The following ZFPM2 variants were observed in gnomAD, a reference collection of about 807,000 sequenced individuals.
ZFPM2 encodes zinc finger protein ZFPM2.
In ZFPM2, 20 loss-of-function variants were observed where a neutral mutation model predicts 98.6. The observed-to-expected ratio is 0.20, with a 90% CI of 0.14 to 0.29. The LOEUF (loss-of-function observed/expected upper bound fraction) is 0.29, where lower values mean the gene tolerates loss of function less well. Among genes scored for constraint, ZFPM2 ranks in the 10% least tolerant of loss-of-function variants. The pLI, the probability that ZFPM2 is intolerant of heterozygous loss-of-function variation, is 1.00. For missense variants in ZFPM2, 1,310 were observed against 1,388.6 expected (o/e 0.94, Z 0.90); for synonymous variants, 518 against 502.7 (o/e 1.03, Z -0.41).
At chr8:105,773,120 A>G (rs1813018753) in intron 5 of ZFPM2, among the ~76,000 whole-genome samples, 2 of 152,196 alleles carry the variant, frequency 1.3e-5, no homozygotes, top group Non-Finnish European at 2.9e-5. Context: ...ACTTCAAGGA[A>G]TGCACTGAGC....
intron 1 of ZFPM2, among the ~76,000 whole-genome samples, chr8:105,330,629 T>C (rs1354418930): frequency 4.8e-4 from 40 of 82,648 alleles, no homozygotes; most frequent in South Asian, 3.2e-3. Flanking sequence ...TATATATATA[T>C]ATACATATAT....
At chr8:105,523,930 T>C (rs1814115753) in intron 3 of ZFPM2, among the ~76,000 whole-genome samples, 1 of 152,134 alleles carries the variant, frequency 6.6e-6, no homozygotes, top group African/African-American at 2.4e-5. Flanking sequence ...AGATTATATG[T>C]AGCTGCCCAT....
At chr8:105,330,611 CACATATAT>C (rs1175393063) in intron 1 of ZFPM2, among the ~76,000 whole-genome samples, 5,256 of 75,894 alleles carry the variant, frequency 0.069, 209 homozygotes, top group South Asian at 0.14. Context: ...TATATATATA[CACATATAT>C]ATATATATAT....
chr8:105,711,873 A>G (rs1371272926), intron 5 of ZFPM2, among the ~76,000 whole-genome samples: 3 of 152,066 alleles, frequency 2.0e-5, no homozygotes, highest in Non-Finnish European at 4.4e-5. Flanking sequence ...ATAAAAATCA[A>G]AACTTTTATT....
intron 4 of ZFPM2, among the ~76,000 whole-genome samples, chr8:105,598,829 A>T (rs1308234578): frequency 6.6e-6 from 1 of 151,836 alleles, no homozygotes; most frequent in Non-Finnish European, 1.5e-5. Flanking sequence ...GCAACCAATT[A>T]CTACATACAA....
chr8:105,483,166 T>C (rs1813158652), intron 3 of ZFPM2, among the ~76,000 whole-genome samples: 1 of 150,930 alleles, frequency 6.6e-6, no homozygotes, highest in African/African-American at 2.5e-5. Flanking sequence ...CAGCCTCCTG[T>C]AATTTCTTGA....
At chr8:105,547,358 C>G (rs1814730396) in intron 3 of ZFPM2, among the ~76,000 whole-genome samples, 1 of 151,782 alleles carries the variant, frequency 6.6e-6, no homozygotes, top group Non-Finnish European at 1.5e-5. Context: ...GCCTGGCCCA[C>G]ATGGTGAAAC....
intron 1 of ZFPM2, among the ~76,000 whole-genome samples, chr8:105,393,686 T>G (rs1455301623): frequency 6.6e-6 from 1 of 152,084 alleles, no homozygotes; most frequent in East Asian, 1.9e-4. Flanking sequence ...AAGGAATATT[T>G]CGGTGAGATT....
intron 3 of ZFPM2, among the ~76,000 whole-genome samples, chr8:105,539,347 A>C (rs1814526853): frequency 6.6e-6 from 1 of 152,192 alleles, no homozygotes; most frequent in Non-Finnish European, 1.5e-5. Context: ...GAAAATGGGA[A>C]GATGATGCAT....
At chr8:105,788,097 A>T (rs1383780481) in intron 5 of ZFPM2, among the ~76,000 whole-genome samples, 1 of 152,140 alleles carries the variant, frequency 6.6e-6, no homozygotes, top group Non-Finnish European at 1.5e-5. Flanking sequence ...GGAGATGAAG[A>T]AGCTACATTA....
intron 5 of ZFPM2, among the ~76,000 whole-genome samples, chr8:105,638,723 G>A (rs1429738391): frequency 6.6e-6 from 1 of 151,982 alleles, no homozygotes; most frequent in Non-Finnish European, 1.5e-5. Flanking sequence ...GCTTCCTAAA[G>A]TGTTCCTAAA....
chr8:105,419,349 T>G, intron 2 of ZFPM2, 47 bp downstream of exon 2: 1 of 1,571,288 alleles, frequency 6.4e-7, no homozygotes, highest in Non-Finnish European at 8.6e-7. Flanking sequence ...CTTAAATGAT[T>G]TTGTAATGTT....
intron 5 of ZFPM2, among the ~76,000 whole-genome samples, chr8:105,782,952 A>G (rs1813294096): frequency 6.6e-6 from 1 of 152,110 alleles, no homozygotes; most frequent in African/African-American, 2.4e-5. Flanking sequence ...GTCAACAGGA[A>G]CACTCCACTG....
chr8:105,676,363 C>A lies in ZFPM2; in HGVS notation c.532+42006C>A, dbSNP rs568464113. ...CAAGATAGTAAAATTCCCTGCTTCA[C>A]TATGAACAACCCCAATTGTAGTACT... On this transcript the variant is annotated intron_variant, in intron 5 of 7. Coordinates refer to ENST00000407775, the MANE Select transcript of ZFPM2 (RefSeq NM_012082.4). Among the ~76,000 whole-genome samples, 17 of 152,270 alleles carry A rather than the reference C, an allele frequency of 1.1e-4. No individual in the cohort carries two copies. In the East Asian group the frequency reaches 2.9e-3, roughly 26 times the overall value.
chr8:105,705,552 G>A (rs1196060672), intron 5 of ZFPM2, among the ~76,000 whole-genome samples: 2 of 152,240 alleles, frequency 1.3e-5, no homozygotes, highest in South Asian at 2.1e-4. Flanking sequence ...TTGAAAGGTA[G>A]ATATGACATA....
chr8:105,382,257 C>G (rs1810903977), intron 1 of ZFPM2, among the ~76,000 whole-genome samples: 1 of 151,890 alleles, frequency 6.6e-6, no homozygotes, highest in Admixed American at 6.6e-5. Flanking sequence ...ATGCAATGCA[C>G]TCTAGAGAGT....
intron 1 of ZFPM2, among the ~76,000 whole-genome samples, chr8:105,338,128 T>A (rs1207965246): frequency 6.6e-6 from 1 of 151,838 alleles, no homozygotes; most frequent in Non-Finnish European, 1.5e-5. Flanking sequence ...TTTTTTATGA[T>A]ATCCCATGAT....
intron 3 of ZFPM2, among the ~76,000 whole-genome samples, chr8:105,530,956 T>C (rs1391070946): frequency 6.6e-6 from 1 of 152,178 alleles, no homozygotes. Flanking sequence ...AAATATCCTA[T>C]GGTTATTGCT....
intron 1 of ZFPM2, among the ~76,000 whole-genome samples, chr8:105,323,436 C>T (rs923223962): frequency 1.3e-5 from 2 of 151,748 alleles, no homozygotes; most frequent in Non-Finnish European, 1.5e-5. Flanking sequence ...TTATTTTCTA[C>T]ATTTTTGACT....
Sources: allele counts gnomAD v4.1 joint callset (sites outside exome capture counted in the v4.1 genomes callset), GRCh38; gene constraint gnomAD v4.1.1; transcripts MANE v1.5; gene names NCBI Gene and HGNC (gene_info 2026-07-23, HGNC 2026-07-21).